Variants in TENM2 observed in about 807,000 individuals in gnomAD.
TENM2 encodes the protein teneurin-2.
A neutral mutation model predicts 245.2 loss-of-function variants in TENM2; 52 were observed. That is an observed-to-expected ratio of 0.21 (90% confidence interval 0.17 to 0.27). The LOEUF (loss-of-function observed/expected upper bound fraction) is 0.27, where lower values mean the gene tolerates loss of function less well. Ranked by LOEUF, TENM2 falls within the 10% of genes least tolerant of loss-of-function variation. TENM2 has a pLI of 1.00. For missense variants in TENM2, 3,046 were observed against 3,666.8 expected, an observed-to-expected ratio of 0.83 and a Z score of 4.37; for synonymous variants, 1,363 against 1,438.9, an observed-to-expected ratio of 0.95 and a Z score of 1.19.
intron 2 of TENM2, among the ~76,000 whole-genome samples, chr5:167,855,759 A>G (rs1339683070): frequency 8.0e-6 from 1 of 125,576 alleles, no homozygotes; most frequent in African/African-American, 3.0e-5. Flanking sequence ...AGAAGGAAGG[A>G]AGGGAGGGAG....
the TENM2 span, among the ~76,000 whole-genome samples, chr5:166,984,884 C>T: frequency 6.6e-6 from 1 of 151,958 alleles, no homozygotes. Context: ...TTAGAAGAAA[C>T]ATAAGCAAAT....
the TENM2 span, among the ~76,000 whole-genome samples, chr5:167,157,634 C>A: frequency 6.6e-6 from 1 of 152,116 alleles, no homozygotes; most frequent in Non-Finnish European, 1.5e-5. Flanking sequence ...CACAAAAGGC[C>A]TGTAATTGTT....
chr5:167,952,855 C>G, intron 4 of TENM2, 33 bp downstream of exon 6: 2 of 1,525,588 alleles, frequency 1.3e-6, no homozygotes, highest in South Asian at 2.4e-5. Flanking sequence ...CAGTCACACT[C>G]AGTGTCACCT....
At chr5:167,633,865 G>A (rs967559750) in intron 2 of TENM2, among the ~76,000 whole-genome samples, 2 of 152,136 alleles carry the variant, frequency 1.3e-5, no homozygotes, top group Non-Finnish European at 2.9e-5. Flanking sequence ...TATGTGAAGG[G>A]CAGTATTTTT....
At chr5:168,036,643 A>T (rs563411351) in intron 5 of TENM2, among the ~76,000 whole-genome samples, 1,900 of 73,818 alleles carry the variant, frequency 0.026, 35 homozygotes, top group Middle Eastern at 0.079. Flanking sequence ...TCAAAAAAAA[A>T]ATATATATAT....
chr5:167,358,545 CTCT>C lies in TENM2; in HGVS notation c.227-16647_227-16645del, dbSNP rs1367874246. On this transcript the variant is annotated intron_variant, in intron 1 of 28. Coordinates refer to ENST00000518659, the Ensembl canonical transcript of TENM2. Reference sequence around the variant, plus strand: ...TCTTTCCATACTCCTTTACTGCTTTCTCTTCTTCACTCCAAGCTCTTAATAGGA... The same window carrying C: ...TCTTTCCATACTCCTTTACTGCTTTCTCTTCACTCCAAGCTCTTAATAGGA... Among the ~76,000 whole-genome samples the C allele has an allele frequency of 2.4e-4, 36 of 150,732 alleles. No individual in the cohort carries two copies. The South Asian group carries it at 5.5e-3, about 23-fold the overall frequency.
At chr5:167,378,145 G>A (rs1431266938) in intron 2 of TENM2, among the ~76,000 whole-genome samples, 2 of 151,986 alleles carry the variant, frequency 1.3e-5, no homozygotes, top group African/African-American at 4.8e-5. Flanking sequence ...TTGTGATTTT[G>A]CTAAGCATAG....
chr5:167,721,271 G>A (rs1759610362), intron 2 of TENM2: 1 of 151,950 alleles, frequency 6.6e-6, no homozygotes, highest in Non-Finnish European at 1.5e-5. Flanking sequence ...AAATGATGAG[G>A]ATTTTTTGGA....
intron 11 of TENM2, 146 bp downstream of exon 13, chr5:168,125,196 TCTC>T (rs1248397595): frequency 5.4e-6 from 4 of 744,504 alleles, no homozygotes; most frequent in Non-Finnish European, 6.5e-6. Context: ...CTCATTCTCT[TCTC>T]CTCAATCGTG....
chr5:167,473,563 A>G (rs1767171702), intron 2 of TENM2, among the ~76,000 whole-genome samples: 1 of 152,208 alleles, frequency 6.6e-6, no homozygotes, highest in South Asian at 2.1e-4. Context: ...TTGAAAAGGA[A>G]AGAGTGGCTT....
intron 2 of TENM2, among the ~76,000 whole-genome samples, chr5:167,436,995 A>G (rs1020276143): frequency 6.6e-6 from 1 of 152,130 alleles, no homozygotes; most frequent in South Asian, 2.1e-4. Context: ...GAAGGGATAT[A>G]TGGGGTTGGA....
chr5:168,076,920 CT>C (rs1218302858), intron 7 of TENM2, among the ~76,000 whole-genome samples: 1 of 152,152 alleles, frequency 6.6e-6, no homozygotes, highest in Non-Finnish European at 1.5e-5. Flanking sequence ...GCACCCCCTA[CT>C]GGCTGCCTGT....
chr5:168,188,195 A>G (rs1760642025), intron 13 of TENM2, among the ~76,000 whole-genome samples: 1 of 152,226 alleles, frequency 6.6e-6, no homozygotes, highest in South Asian at 2.1e-4. Context: ...CGAAAAGGGT[A>G]ATGCCAAAAA....
At chr5:167,429,414 T>A (rs1764068482) in intron 2 of TENM2, among the ~76,000 whole-genome samples, 1 of 152,118 alleles carries the variant, frequency 6.6e-6, no homozygotes, top group Non-Finnish European at 1.5e-5. Context: ...CTGCTACAGG[T>A]GCTGCAGACA....
intron 2 of TENM2, among the ~76,000 whole-genome samples, chr5:167,548,963 G>A (rs1421197521): frequency 6.6e-6 from 1 of 152,166 alleles, no homozygotes; most frequent in Non-Finnish European, 1.5e-5. Context: ...AGCAGCCTTT[G>A]AACTACAAGA....
At chr5:167,112,732 G>A in the TENM2 span, among the ~76,000 whole-genome samples, 3 of 152,132 alleles carry the variant, frequency 2.0e-5, no homozygotes, top group Admixed American at 6.5e-5. Flanking sequence ...TGAATCTCAC[G>A]AATTGACAGT....
At chr5:168,262,173 C>T in exon 29 of TENM2, 1 of 1,612,790 alleles carries the variant, frequency 6.2e-7, no homozygotes, top group Non-Finnish European at 8.5e-7. Flanking sequence ...TGGTTTGCCA[C>T]CACCACGCCC....
intron 2 of TENM2, among the ~76,000 whole-genome samples, chr5:167,576,348 A>T (rs1286090749): frequency 2.0e-5 from 3 of 146,392 alleles, no homozygotes; most frequent in Non-Finnish European, 3.0e-5. Context: ...TTTTTTTTAC[A>T]GGAAAAAAAG....
the TENM2 span, among the ~76,000 whole-genome samples, chr5:167,227,335 G>T: frequency 2.0e-4 from 31 of 151,878 alleles, no homozygotes; most frequent in Non-Finnish European, 3.2e-4. Flanking sequence ...TTTCTTATTT[G>T]TGTGTTTGGT....
Sources: gnomAD v4.1 joint callset for allele counts (sites outside exome capture counted in the v4.1 genomes callset) on GRCh38, gnomAD v4.1.1 for gene constraint, MANE v1.5 for transcripts, NCBI Gene and HGNC (gene_info 2026-07-23, HGNC 2026-07-21) for gene names.